Variants in BAZ2B observed in about 807,000 individuals in gnomAD.
BAZ2B encodes the protein bromodomain adjacent to zinc finger domain 2B.
BAZ2B carries 91 observed loss-of-function variants against 246.0 expected under a neutral mutation model. The observed-to-expected ratio is 0.37, with a 90% CI of 0.31 to 0.44. The LOEUF is 0.44. Among genes scored for constraint, BAZ2B ranks in the 20% least tolerant of loss-of-function variants. BAZ2B has a pLI of 1.00. For synonymous variants in BAZ2B, 855 were observed against 860.0 expected, an observed-to-expected ratio of 0.99 and a Z score of 0.10; for missense variants, 2,332 against 2,533.7, an observed-to-expected ratio of 0.92 and a Z score of 1.71.
the BAZ2B span, among the ~76,000 whole-genome samples, chr2:159,677,535 A>T: frequency 6.6e-6 from 1 of 152,168 alleles, no homozygotes; most frequent in Non-Finnish European, 1.5e-5. Flanking sequence ...CCAGGAGAAA[A>T]AAATTGCTCT....
At chr2:159,668,459 A>G in the BAZ2B span, among the ~76,000 whole-genome samples, 1 of 152,166 alleles carries the variant, frequency 6.6e-6, no homozygotes, top group Non-Finnish European at 1.5e-5. Context: ...TTTCCAGTAT[A>G]TACTCCTTTT....
At chr2:159,631,211 A>G in the BAZ2B span, among the ~76,000 whole-genome samples, 1 of 152,180 alleles carries the variant, frequency 6.6e-6, no homozygotes, top group Admixed American at 6.5e-5. Flanking sequence ...AAATGAATAA[A>G]TAAATAAAAA....
the BAZ2B span, among the ~76,000 whole-genome samples, chr2:159,689,025 T>C: frequency 2.0e-5 from 3 of 152,216 alleles, no homozygotes; most frequent in Non-Finnish European, 4.4e-5. Flanking sequence ...GGGGAGATAT[T>C]TTGAGTATGT....
At chr2:159,552,829 A>C (rs2088482052) in intron 2 of BAZ2B, among the ~76,000 whole-genome samples, 1 of 152,230 alleles carries the variant, frequency 6.6e-6, no homozygotes, top group Non-Finnish European at 1.5e-5. Flanking sequence ...GTAACCCTGG[A>C]GTAATAAAAA....
At chr2:159,623,220 G>A in the BAZ2B span, among the ~76,000 whole-genome samples, 1 of 151,834 alleles carries the variant, frequency 6.6e-6, no homozygotes, top group East Asian at 1.9e-4. Flanking sequence ...GCACGAGAGA[G>A]TGAGCTGGGT....
the BAZ2B span, among the ~76,000 whole-genome samples, chr2:159,705,718 C>T: frequency 1.3e-5 from 2 of 151,960 alleles, no homozygotes; most frequent in African/African-American, 2.4e-5. Context: ...TTAAGCACAA[C>T]CTGGAAAATG....
intron 36 of BAZ2B, chr2:159,321,994 ATGTAG>A (rs2062771026): frequency 6.6e-6 from 1 of 152,196 alleles, no homozygotes; most frequent in Non-Finnish European, 1.5e-5. Context: ...CCTGTATCTC[ATGTAG>A]TCCATAAATA....
intron 1 of BAZ2B, among the ~76,000 whole-genome samples, chr2:159,575,824 T>C (rs1412253585): frequency 6.6e-6 from 1 of 152,132 alleles, no homozygotes; most frequent in African/African-American, 2.4e-5. Context: ...AGAAAAAAAT[T>C]TTAACATGAT....
chr2:159,587,487 T>C (rs928187485), intron 1 of BAZ2B, among the ~76,000 whole-genome samples: 14 of 152,214 alleles, frequency 9.2e-5, no homozygotes, highest in African/African-American at 3.4e-4. Context: ...TTTTTACATC[T>C]GGACATACTT....
the BAZ2B span, among the ~76,000 whole-genome samples, chr2:159,705,039 G>T: frequency 2.0e-5 from 3 of 149,870 alleles, no homozygotes; most frequent in South Asian, 4.2e-4. Context: ...TGGAGACAGG[G>T]TCTTGCTCTG....
At chr2:159,693,935 T>C in the BAZ2B span, 1 of 152,202 alleles carries the variant, frequency 6.6e-6, no homozygotes, top group Non-Finnish European at 1.5e-5. Flanking sequence ...CTTATATTTT[T>C]CAAAATTGAG....
At chr2:159,603,124 G>A (rs575102255) in intron 1 of BAZ2B, among the ~76,000 whole-genome samples, 3 of 152,160 alleles carry the variant, frequency 2.0e-5, no homozygotes, top group South Asian at 2.1e-4. Flanking sequence ...GCAACAGAGC[G>A]AGACTCCGTC....
At chr2:159,455,023 GAA>G (rs2075562872) in intron 3 of BAZ2B, among the ~76,000 whole-genome samples, 1 of 152,088 alleles carries the variant, frequency 6.6e-6, no homozygotes, top group Admixed American at 6.5e-5. Flanking sequence ...TTGCTACTGT[GAA>G]AAGAGAATAC....
At chr2:159,645,789 C>T in the BAZ2B span, among the ~76,000 whole-genome samples, 3 of 152,016 alleles carry the variant, frequency 2.0e-5, no homozygotes, top group African/African-American at 7.2e-5. Flanking sequence ...TTCCATGATG[C>T]CCCCTGAGCT....
At chr2:159,700,247 T>A in the BAZ2B span, among the ~76,000 whole-genome samples, 3 of 152,218 alleles carry the variant, frequency 2.0e-5, no homozygotes, top group African/African-American at 7.2e-5. Flanking sequence ...TTCCACAACC[T>A]CCAGCGGATA....
intron 2 of BAZ2B, chr2:159,516,255 TA>T (rs2083434548): frequency 6.6e-6 from 1 of 152,024 alleles, no homozygotes; most frequent in Non-Finnish European, 1.5e-5. Flanking sequence ...GAAAAAGACA[TA>T]GAGTATAACA....
At chr2:159,431,274 A>C in intron 9 of BAZ2B, 118 bp from the exon 10 acceptor site, 1 of 1,376,744 alleles carries the variant, frequency 7.3e-7, no homozygotes, top group Non-Finnish European at 9.6e-7. Flanking sequence ...TCAAATGAGC[A>C]ATTTTCCTAC....
chr2:159,672,990 T>C, the BAZ2B span, among the ~76,000 whole-genome samples: 5 of 152,130 alleles, frequency 3.3e-5, no homozygotes, highest in Non-Finnish European at 5.9e-5. Flanking sequence ...TCTAGATTCA[T>C]TGAAAGAAAA....
At chr2:159,390,180 G>A (rs1453689905) in intron 20 of BAZ2B, among the ~76,000 whole-genome samples, 4 of 152,014 alleles carry the variant, frequency 2.6e-5, no homozygotes, top group East Asian at 3.9e-4. Flanking sequence ...ACCTACTACC[G>A]CACACGTGCC....
Sources: gnomAD v4.1 joint callset for allele counts (sites outside exome capture counted in the v4.1 genomes callset) on GRCh38, gnomAD v4.1.1 for gene constraint, MANE v1.5 for transcripts, NCBI Gene and HGNC (gene_info 2026-07-23, HGNC 2026-07-21) for gene names.